Variants in PTPRN observed in about 807,000 individuals in gnomAD.
PTPRN encodes the protein protein tyrosine phosphatase receptor type N, also known as receptor-type tyrosine-protein phosphatase-like N.
In PTPRN, 70 loss-of-function variants were observed where a neutral mutation model predicts 108.5. That is an observed-to-expected ratio of 0.65 (90% confidence interval 0.53 to 0.79). The LOEUF (loss-of-function observed/expected upper bound fraction) is 0.79. Ranked by LOEUF, PTPRN falls within the 30% of genes least tolerant of loss-of-function variation. PTPRN has a pLI of 0.00. For synonymous variants in PTPRN, 496 were observed against 524.6 expected, an observed-to-expected ratio of 0.95 and a Z score of 0.75; for missense variants, 1,136 against 1,295.5, an observed-to-expected ratio of 0.88 and a Z score of 1.89.
At chr2:219,293,616 G>A (rs778330610) in intron 19 of PTPRN, among the ~76,000 whole-genome samples, 3 of 152,148 alleles carry the variant, frequency 2.0e-5, no homozygotes, top group Non-Finnish European at 4.4e-5. Flanking sequence ...AGTTCTACCA[G>A]GATTTTTTAA....
Position 219,290,022 on chromosome 2 carries a change from G to T in PTPRN, c.*204C>A, listed in dbSNP as rs1272996875. On this transcript the variant is annotated 3_prime_UTR_variant, in exon 23 of 23. Coordinates refer to ENST00000295718, the MANE Select transcript of PTPRN (RefSeq NM_002846.4). The surrounding 1 kb of genome is among the most constrained non-coding windows in gnomAD (Gnocchi z 4.2). ...CCTGGCTGCAGCACCCCCATGGGAT[G>T]CCCTGGGCTCTGGGATGCCCCAGGC... 3.4e-6 allele frequency: 2 copies of T among 596,230 alleles called. No homozygotes were observed. Among genetic ancestry groups the T allele is most frequent in the Non-Finnish European group, 6.1e-6 (2 of 328,834 alleles). 36.9% of individuals were successfully genotyped at this position (596,230 alleles called of 1,614,324 possible).
In PTPRN at chr2:219,303,764, A is replaced by G; in HGVS notation, c.348T>C (p.Leu116=). The G allele has an allele frequency of 6.2e-7, 1 of 1,614,080 alleles. No individual in the cohort carries two copies. Among genetic ancestry groups the G allele is most frequent in the Non-Finnish European group, 8.5e-7 (1 of 1,179,984 alleles). ...ISQEMERIPR[L]RPPEPRPRDR... is the part of the protein sequence containing the mutation. Reference sequence around the variant, plus strand: ...CCCTTGGACGGGGCTCTGGGGGGCGAAGCCTGGGGATGCGCTCCATCTCCT... The same window carrying G: ...CCCTTGGACGGGGCTCTGGGGGGCGGAGCCTGGGGATGCGCTCCATCTCCT... Residue 116 remains leucine (L), a synonymous_variant, in exon 4 of 23, where the codon CTT becomes CTC. Transcript: ENST00000295718.
At position 219,302,596 on chromosome 2, in the gene PTPRN, G is replaced by A. The variant is rs1224128892; in HGVS notation, c.619C>T (p.Gln207Ter). ...CTTACCTGGTGGAACAGGTAGGGCT[G>A]CAGCAAGGCAGGTTCGTAACTCAGT... is the stretch of plus-strand genomic sequence containing the variant. ...PSLSYEPALL[Q>*]PYLFHQFGSR... Residue 207 changes from glutamine (Q) to a stop codon, truncating the protein, a stop_gained, in exon 5 of 23, where the codon CAG (glutamine) becomes TAG (stop). Coordinates refer to ENST00000295718, the MANE Select transcript of PTPRN (RefSeq NM_002846.4). LOFTEE classifies it high-confidence loss of function. 1 of 1,613,892 alleles carries A rather than the reference G, an allele frequency of 6.2e-7. No homozygotes were observed. The highest frequency in any genetic ancestry group is 1.3e-5 in the African/African-American group (1 of 74,934).
intron 1 of PTPRN, 55 bp from the exon 2 acceptor site, chr2:219,307,897 G>C: frequency 1.9e-6 from 3 of 1,542,832 alleles, no homozygotes. Context: ...AGAATGGGCA[G>C]ATGGGTGGAC....
At position 219,307,691 on chromosome 2, in the gene PTPRN, G is replaced by A. The variant is rs945955484; in HGVS notation, c.166+101C>T. 1.7e-5 allele frequency: 26 copies of A among 1,492,932 alleles called. No individual in the cohort carries two copies. The African/African-American group carries it at 3.6e-4, about 21-fold the overall frequency. 92.5% of individuals were successfully genotyped at this position (1,492,932 alleles called of 1,614,324 possible). On this transcript the variant is annotated intron_variant, in intron 2 of 22. Coordinates refer to ENST00000295718, the MANE Select transcript of PTPRN (RefSeq NM_002846.4). ...CCAGGCAAGTCTTCCTTCTTCTCAA[G>A]CCCAGTAGCCCTCTTCCTTTCTGGG...
intron 9 of PTPRN, 39 bp downstream of exon 9, chr2:219,299,946 C>G (rs767439985): frequency 6.2e-7 from 1 of 1,610,474 alleles, no homozygotes; most frequent in Non-Finnish European, 8.5e-7. Context: ...CAGCCCAAAT[C>G]CTAGCAGACC....
Position 219,299,779 on chromosome 2 carries a change from T to G in PTPRN, c.1444A>C (p.Ser482Arg). The change falls in exon 10 of 23, where the codon AGC becomes CGC. Residue 482 changes from serine to arginine, a missense_variant. Coordinates refer to ENST00000295718, the MANE Select transcript of PTPRN (RefSeq NM_002846.4). Reference sequence around the variant, plus strand: ...AGCAGCTTCACTCCTGCAGCCAGGCTCAGGGGCCTGGAGATGGGAGAAGGC... The same window carrying G: ...AGCAGCTTCACTCCTGCAGCCAGGCGCAGGGGCCTGGAGATGGGAGAAGGC... ...GYIVTDQKPL[S>R]LAAGVKLLEI... 1 of 1,608,634 alleles carries G rather than the reference T, an allele frequency of 6.2e-7. No individual in the cohort carries two copies. The highest frequency in any genetic ancestry group is 8.5e-7 in the Non-Finnish European group (1 of 1,176,132).
chr2:219,295,235 A>C, intron 18 of PTPRN, 94 bp from the exon 19 acceptor site: 2 of 1,408,292 alleles, frequency 1.4e-6, no homozygotes, highest in Non-Finnish European at 1.9e-6. Context: ...CTCTCCAACC[A>C]CCGCCCGGCC....
chr2:219,297,423 C>A lies in PTPRN; in HGVS notation c.1898G>T (p.Arg633Leu). Reference protein sequence around the residue: ...DTTFEYQDLCRQHMATKSLFN... With the variant: ...DTTFEYQDLCLQHMATKSLFN... ...CAAGGACTTCGTGGCCATGTGCTGG[C>A]GGCACAGGTCCTGTGGAGGAAGAAT... The change falls in exon 14 of 23, where the codon CGC becomes CTC. Residue 633 changes from arginine to leucine, a missense_variant. Physicochemically the swap from Arg to Leu is moderately radical, Grantham distance 102. Coordinates refer to ENST00000295718, the MANE Select transcript of PTPRN (RefSeq NM_002846.4). This position sits in a 1 kb window ranked among gnomAD's most constrained non-coding sequence, Gnocchi z 6.0. 1 of 1,614,016 alleles carries A rather than the reference C, an allele frequency of 6.2e-7. No individual in the cohort carries two copies. Among genetic ancestry groups the A allele is most frequent in the Non-Finnish European group, 8.5e-7 (1 of 1,180,012 alleles).
chr2:219,290,677 C>A lies in PTPRN; in HGVS notation c.2795-66G>T. 1 of 1,493,866 alleles carries A rather than the reference C, an allele frequency of 6.7e-7. No individual in the cohort carries two copies. The highest frequency in any genetic ancestry group is 9.1e-7 in the Non-Finnish European group (1 of 1,093,100). The allele number at this position is 1,493,866 out of a possible 1,614,324, so 92.5% of individuals were successfully genotyped here. On this transcript the variant is annotated intron_variant, in intron 21 of 22. Coordinates refer to ENST00000295718, the MANE Select transcript of PTPRN (RefSeq NM_002846.4). This position sits in a 1 kb window ranked among gnomAD's most constrained non-coding sequence, Gnocchi z 4.2. ...CAGAGGAGGACAGGACCCAGAAAAC[C>A]TGAGGCCTCCTGGAGGCAAAGAGCC...
intron 7 of PTPRN, 146 bp downstream of exon 7, chr2:219,301,442 C>T: frequency 8.4e-7 from 1 of 1,190,578 alleles, no homozygotes; most frequent in Non-Finnish European, 1.2e-6. Flanking sequence ...CCCTGCCTTG[C>T]TGGCAATGAC....
Position 219,290,721 on chromosome 2 carries a change from C to T in PTPRN, c.2794+105G>A, listed in dbSNP as rs1345262362. ...AAGAGCCTTGGAGGGCTGGGCAGAGCCTGGAGGTTGACAACCTGCTCCTTC... is the reference window on the plus strand; with the variant it reads ...AAGAGCCTTGGAGGGCTGGGCAGAGTCTGGAGGTTGACAACCTGCTCCTTC... On this transcript the variant is annotated intron_variant, in intron 21 of 22. Coordinates refer to ENST00000295718, the MANE Select transcript of PTPRN (RefSeq NM_002846.4). This position sits in a 1 kb window ranked among gnomAD's most constrained non-coding sequence, Gnocchi z 4.2. 2 of 1,503,004 alleles carry T rather than the reference C, an allele frequency of 1.3e-6. No individual in the cohort carries two copies. The highest frequency in any genetic ancestry group is 1.4e-5 in the African/African-American group (1 of 72,060). 93.1% of individuals were successfully genotyped at this position (1,503,004 alleles called of 1,614,324 possible).
intron 10 of PTPRN, 126 bp from the exon 11 acceptor site, chr2:219,299,510 G>A: frequency 1.7e-6 from 2 of 1,209,810 alleles, no homozygotes; most frequent in Non-Finnish European, 2.4e-6. Flanking sequence ...CCCTACAGGG[G>A]CATCTTAGGC....
rs1952221585 is a variant in PTPRN, at chr2:219,297,165, C to T, written c.2089-33G>A. 2 of 1,611,848 alleles carry T rather than the reference C, an allele frequency of 1.2e-6. No individual in the cohort carries two copies. Among genetic ancestry groups the T allele is most frequent in the Non-Finnish European group, 1.7e-6 (2 of 1,178,612 alleles). On this transcript the variant is annotated intron_variant, in intron 14 of 22. Transcript: ENST00000295718. The surrounding 1 kb of genome is among the most constrained non-coding windows in gnomAD (Gnocchi z 6.0). ...GGCACCACGGTCTGGCTCTGGCCCA[C>T]ACAGCCAGCCTGGCCTCTCTCACCA...
Position 219,309,391 on chromosome 2 carries a change from C to T in PTPRN, c.-59G>A. 3 of 925,308 alleles carry T rather than the reference C, an allele frequency of 3.2e-6. No individual in the cohort carries two copies. The allele number at this position is 925,308 out of a possible 1,614,324, so 57.3% of individuals were successfully genotyped here. On this transcript the variant is annotated 5_prime_UTR_variant, in exon 1 of 23. Coordinates refer to ENST00000295718, the MANE Select transcript of PTPRN (RefSeq NM_002846.4). Reference sequence around the variant, plus strand: ...GAGCCGCAGCGACGCTGGCGGGAGCCTGCCAGAGGGGCTGAGGCGGGGCTT... The same window carrying T: ...GAGCCGCAGCGACGCTGGCGGGAGCTTGCCAGAGGGGCTGAGGCGGGGCTT...
intron 1 of PTPRN, chr2:219,309,003 C>G (rs1452478853): frequency 6.5e-7 from 1 of 1,528,904 alleles, no homozygotes; most frequent in South Asian, 1.2e-5. Context: ...GAGCCCAATT[C>G]TCTTAGGTCC....
At chr2:219,298,138 G>A (rs760206635) in intron 12 of PTPRN, 35 bp from the exon 13 acceptor site, 60 of 1,593,594 alleles carry the variant, frequency 3.8e-5, no homozygotes, top group Middle Eastern at 1.7e-4. Context: ...GGGAGGCAGT[G>A]GCATAGGGAG....
Position 219,297,124 on chromosome 2 carries a change from C to T in PTPRN, c.2097G>A (p.Met699Ile). 1 of 1,613,972 alleles carries T rather than the reference C, an allele frequency of 6.2e-7. No individual in the cohort carries two copies. Among genetic ancestry groups the T allele is most frequent in the Non-Finnish European group, 8.5e-7 (1 of 1,179,952 alleles). ...ISTGHMILAY[M>I]EDHLRNRDRL... is the part of the protein sequence containing the mutation. ...GGTCCCGGTTCCGCAGGTGATCCTC[C>T]ATGTATGCCTGTGGGGGCACCACGG... The change falls in exon 15 of 23, where the codon ATG (methionine) becomes ATA (isoleucine). Residue 699 changes from methionine (M) to isoleucine (I), a missense_variant. Transcript: ENST00000295718. This position sits in a 1 kb window ranked among gnomAD's most constrained non-coding sequence, Gnocchi z 6.0.
In PTPRN at chr2:219,290,957, G is replaced by A. The variant is rs1419680811; in HGVS notation, c.2730-67C>T. The A allele has an allele frequency of 1.1e-5, 16 of 1,520,140 alleles. No individual in the cohort carries two copies. The highest frequency in any genetic ancestry group is 1.7e-4 in the Middle Eastern group (1 of 5,918). The allele number at this position is 1,520,140 out of a possible 1,614,324, so 94.2% of individuals were successfully genotyped here. ...AGAAAGGGGGAGGGACGGAGGAGGC[G>A]AGGAGGCCTGGAGGCCTGGGGGAGG... On this transcript the variant is annotated intron_variant, in intron 20 of 22. Coordinates refer to ENST00000295718, the MANE Select transcript of PTPRN (RefSeq NM_002846.4). The surrounding 1 kb of genome is among the most constrained non-coding windows in gnomAD (Gnocchi z 4.2).
Sources: gnomAD v4.1 joint callset for allele counts (sites outside exome capture counted in the v4.1 genomes callset) on GRCh38, gnomAD v4.1.1 for gene constraint, Gnocchi (gnomAD v3.1) non-coding constraint, MANE v1.5 for transcripts, NCBI Gene and HGNC (gene_info 2026-07-23, HGNC 2026-07-21) for gene names.